PTPRT: variants seen among roughly 807,000 people sequenced by gnomAD.
The protein encoded by PTPRT is receptor-type tyrosine-protein phosphatase T.
In PTPRT, 56 loss-of-function variants were observed where a neutral mutation model predicts 176.8. The observed-to-expected ratio is 0.32, with a 90% CI of 0.26 to 0.40. The LOEUF (loss-of-function observed/expected upper bound fraction) is 0.40, where lower values mean the gene tolerates loss of function less well. PTPRT is among the 10% of genes least tolerant of loss of function. The probability of loss-of-function intolerance (pLI) is 1.00; values close to 1 mark genes in which losing one functional copy is unlikely to be tolerated. For missense variants in PTPRT, 1,540 were observed against 1,908.2 expected (o/e 0.81, Z 3.60); for synonymous variants, 783 against 739.0 (o/e 1.06, Z -0.96).
chr20:42,804,212 C>A (rs564918214), intron 2 of PTPRT, among the ~76,000 whole-genome samples: 1 of 152,102 alleles, frequency 6.6e-6, no homozygotes, highest in East Asian at 1.9e-4. Context: ...CTCCACCTGC[C>A]CCCATCCTCT....
intron 13 of PTPRT, among the ~76,000 whole-genome samples, chr20:42,266,571 C>T (rs73254768): frequency 0.01 from 1,523 of 152,254 alleles, 24 homozygotes; most frequent in African/African-American, 0.035. Context: ...CCAATCCTGG[C>T]CAGAAGAGGA....
At chr20:42,886,627 AAAGCTTCTCCCTTT>A (rs2079107664) in intron 1 of PTPRT, among the ~76,000 whole-genome samples, 1 of 152,248 alleles carries the variant, frequency 6.6e-6, no homozygotes, top group African/African-American at 2.4e-5. Flanking sequence ...GATCATGTTT[AAAGCTTCTCCCTTT>A]AACTTTAAAG....
intron 11 of PTPRT, among the ~76,000 whole-genome samples, chr20:42,327,082 T>G (rs749714757): frequency 2.1e-4 from 11 of 53,562 alleles, no homozygotes; most frequent in Non-Finnish European, 3.0e-4. Context: ...TAGGTAGGGG[T>G]GTGTGTGTGT....
chr20:42,724,789 A>G (rs753198799), intron 6 of PTPRT, among the ~76,000 whole-genome samples: 4 of 151,476 alleles, frequency 2.6e-5, no homozygotes, highest in Non-Finnish European at 5.9e-5. Context: ...GCATCTTCCA[A>G]TCTCTTCTTC....
At chr20:42,818,920 A>C (rs773033211) in intron 2 of PTPRT, among the ~76,000 whole-genome samples, 10 of 152,224 alleles carry the variant, frequency 6.6e-5, no homozygotes, top group Admixed American at 1.3e-4. Context: ...CTGAACCTAC[A>C]ATTGACTGAA....
the PTPRT span, among the ~76,000 whole-genome samples, chr20:42,040,024 C>T: frequency 0.17 from 26,423 of 151,884 alleles, 2,890 homozygotes; most frequent in Non-Finnish European, 0.25. Context: ...CTGTTTTCCA[C>T]GATTATTGTG....
intron 7 of PTPRT, among the ~76,000 whole-genome samples, chr20:42,603,467 C>G (rs78291699): frequency 2.6e-5 from 4 of 152,142 alleles, no homozygotes; most frequent in Admixed American, 2.6e-4. Flanking sequence ...AAGGCCAGTA[C>G]GGCTGGAGCA....
At position 42,627,041 on chromosome 20, in the gene PTPRT, T is replaced by G. The variant is rs1206713670; in HGVS notation, c.1153+50825A>C. On this transcript the variant is annotated intron_variant, in intron 7 of 30. Coordinates refer to ENST00000373187, the MANE Select transcript of PTPRT (RefSeq NM_007050.6). ...GTCATCAATTTCTGTATCTTTTACT[T>G]TTTTTTGTCTGAATAATGAACATAC... Among the ~76,000 whole-genome samples, 9 of 152,126 alleles carry G rather than the reference T, an allele frequency of 5.9e-5. 1 individual carries two copies. Among genetic ancestry groups the G allele is most frequent in the Admixed American group, 3.9e-4 (6 of 15,262 alleles).
At chr20:42,283,743 T>C (rs1194478931) in intron 12 of PTPRT, among the ~76,000 whole-genome samples, 2 of 152,108 alleles carry the variant, frequency 1.3e-5, no homozygotes, top group African/African-American at 4.8e-5. Flanking sequence ...GCGTGCTTTA[T>C]TGGCTAGAAC....
rs150353580 is a variant in PTPRT at position 42,635,733 on chromosome 20, A to AT, written c.1153+42132dup. ...TTTTTGAAGCCTTAGATTTTATTTT[A>AT]TTTTTTGTTTTAAGACCAAGTAAAA... On this transcript the variant is annotated intron_variant, in intron 7 of 30. Coordinates refer to ENST00000373187, the MANE Select transcript of PTPRT (RefSeq NM_007050.6). Among the ~76,000 whole-genome samples the AT allele has an allele frequency of 3.4e-3, 522 of 152,100 alleles. 4 individuals are homozygous for AT. The highest frequency in any genetic ancestry group is 0.012 in the African/African-American group (496 of 41,488).
chr20:42,321,853 G>A (rs1029551263), intron 11 of PTPRT, among the ~76,000 whole-genome samples: 3 of 152,160 alleles, frequency 2.0e-5, no homozygotes, highest in African/African-American at 7.2e-5. Context: ...GGAGGCCAAG[G>A]CGGGTGGATC....
chr20:42,235,605 CA>C (rs970196816), intron 15 of PTPRT, among the ~76,000 whole-genome samples: 17 of 151,792 alleles, frequency 1.1e-4, no homozygotes, highest in African/African-American at 4.1e-4. Flanking sequence ...TTAGCAAGTG[CA>C]AAAAAATGGA....
At chr20:42,866,230 T>A (rs2078743919) in intron 2 of PTPRT, among the ~76,000 whole-genome samples, 1 of 152,230 alleles carries the variant, frequency 6.6e-6, no homozygotes. Context: ...CCCAGTATTG[T>A]GGGCACAGAG....
intron 7 of PTPRT, among the ~76,000 whole-genome samples, chr20:42,545,167 C>A (rs185107961): frequency 4.9e-4 from 75 of 152,306 alleles, no homozygotes; most frequent in African/African-American, 1.7e-3. Context: ...TAAGGTCATA[C>A]CCTTATCTAT....
intron 9 of PTPRT, among the ~76,000 whole-genome samples, chr20:42,444,118 T>C (rs1424973887): frequency 6.6e-6 from 1 of 152,108 alleles, no homozygotes; most frequent in Non-Finnish European, 1.5e-5. Context: ...CCCCACACAG[T>C]CTCATCACTG....
rs2079060144 is a variant in PTPRT, at chr20:42,883,870, A to G, written c.214+1937T>C. Among the ~76,000 whole-genome samples, 4 of 121,244 alleles carry G rather than the reference A, an allele frequency of 3.3e-5. 1 individual carries two copies. In the South Asian group the frequency reaches 1.2e-3, roughly 35 times the overall value. 79.5% of individuals were successfully genotyped at this position (121,244 alleles called of 152,430 possible). A position where few individuals can be genotyped will look rare whatever the true frequency, so the allele number is the denominator to read the frequency against. ...TAGACACACACCCCCATAGACATGC[A>G]TACACACATACACCAATACACCCCC... On this transcript the variant is annotated intron_variant, in intron 2 of 30. Transcript: ENST00000373187.
intron 6 of PTPRT, among the ~76,000 whole-genome samples, chr20:42,739,774 C>G (rs1171980999): frequency 6.6e-6 from 1 of 152,204 alleles, no homozygotes; most frequent in African/African-American, 2.4e-5. Context: ...GCAGGAGACA[C>G]AAACTACACA....
intron 9 of PTPRT, among the ~76,000 whole-genome samples, chr20:42,363,655 A>G (rs972212193): frequency 2.6e-5 from 4 of 152,064 alleles, no homozygotes; most frequent in African/African-American, 9.7e-5. Context: ...AATACCACTC[A>G]CTAGTTGCCA....
intron 6 of PTPRT, among the ~76,000 whole-genome samples, chr20:42,741,852 A>G (rs2076616149): frequency 6.6e-6 from 1 of 152,076 alleles, no homozygotes; most frequent in Non-Finnish European, 1.5e-5. Flanking sequence ...ATGGGTTAAG[A>G]CCTGGGAGGA....
Sources: gnomAD v4.1 joint callset for allele counts (sites outside exome capture counted in the v4.1 genomes callset) on GRCh38, gnomAD v4.1.1 for gene constraint, MANE v1.5 for transcripts, NCBI Gene and HGNC (gene_info 2026-07-23, HGNC 2026-07-21) for gene names.